The following CTPS2 variants were observed in gnomAD, a reference collection of about 807,000 sequenced individuals.
The protein encoded by CTPS2 is CTP synthase 2.
Under a neutral mutation model 46.8 loss-of-function variants are expected in CTPS2, and 19 were observed. That is an observed-to-expected ratio of 0.41 (90% CI 0.28 to 0.60). The LOEUF (loss-of-function observed/expected upper bound fraction) is 0.60. Among genes scored for constraint, CTPS2 ranks in the 20% least tolerant of loss-of-function variants. The pLI is 0.35. For missense variants in CTPS2, 286 were observed against 447.6 expected (o/e 0.64, Z 3.26); for synonymous variants, 151 against 165.2 (o/e 0.91, Z 0.66).
intron 17 of CTPS2, among the ~76,000 whole-genome samples, chrX:16,608,676 C>T (rs1360709720): frequency 1.8e-5 from 2 of 111,194 alleles, no homozygotes. Context: ...GGAGTAGGAT[C>T]GATAAGGTCC....
At chrX:16,662,922 G>C (rs1429768377) in intron 13 of CTPS2, among the ~76,000 whole-genome samples, 3 of 110,866 alleles carry the variant, frequency 2.7e-5, no homozygotes, top group Non-Finnish European at 5.7e-5. Flanking sequence ...AGATGTGTTC[G>C]CGCGTGGGTG....
At chrX:16,680,510 G>A (rs1291240710) in intron 9 of CTPS2, among the ~76,000 whole-genome samples, 1 of 98,630 alleles carries the variant, frequency 1.0e-5, no homozygotes, top group Non-Finnish European at 2.0e-5. Context: ...AGCCAAGATC[G>A]CACCACTGCA....
At chrX:16,698,079 G>A (rs1924262483) in intron 4 of CTPS2, among the ~76,000 whole-genome samples, 157 bp downstream of exon 4, 1 of 111,864 alleles carries the variant, frequency 8.9e-6, no homozygotes, top group African/African-American at 3.2e-5. Flanking sequence ...TGACCACAAA[G>A]ACAGAAGCCA....
chrX:16,623,063 C>T (rs975072687), intron 14 of CTPS2, among the ~76,000 whole-genome samples: 4 of 111,791 alleles, frequency 3.6e-5, no homozygotes, highest in South Asian at 7.6e-4. Context: ...ATAAGCTATA[C>T]GAGGTAACAG....
intron 4 of CTPS2, among the ~76,000 whole-genome samples, chrX:16,698,028 G>C (rs1484831023): frequency 9.0e-6 from 1 of 110,999 alleles, no homozygotes; most frequent in Non-Finnish European, 1.9e-5. Flanking sequence ...CCAGGAGTAG[G>C]TGTGATTGTC....
intron 1 of CTPS2, among the ~76,000 whole-genome samples, chrX:16,711,023 T>A (rs1418160718): frequency 8.9e-6 from 1 of 112,139 alleles, no homozygotes; most frequent in Non-Finnish European, 1.9e-5. Flanking sequence ...GTTTCTGGTG[T>A]CAAGACAAGT....
chrX:16,696,663 C>T (rs1480295685), intron 4 of CTPS2, among the ~76,000 whole-genome samples: 2 of 111,285 alleles, frequency 1.8e-5, no homozygotes, highest in Non-Finnish European at 3.8e-5. Context: ...TTTGATCGCA[C>T]CTGTGGATAG....
chrX:16,668,061 G>A (rs1222980820), intron 11 of CTPS2, among the ~76,000 whole-genome samples: 3 of 109,779 alleles, frequency 2.7e-5, no homozygotes, highest in Non-Finnish European at 1.9e-5. Flanking sequence ...TCAGGAGTTC[G>A]AGACCAGCCT....
At chrX:16,632,179 G>A (rs914542170) in intron 14 of CTPS2, among the ~76,000 whole-genome samples, 1 of 111,812 alleles carries the variant, frequency 8.9e-6, no homozygotes. Flanking sequence ...ACTCATGCCT[G>A]TAATCCCAGC....
At chrX:16,669,005 C>G (rs1921482864) in intron 11 of CTPS2, among the ~76,000 whole-genome samples, 1 of 111,320 alleles carries the variant, frequency 9.0e-6, no homozygotes, top group Admixed American at 9.6e-5. Context: ...GCCATAAACA[C>G]AGGCTTGGCC....
intron 13 of CTPS2, among the ~76,000 whole-genome samples, chrX:16,647,255 CTTTTTTTTTTT>C (rs746634342): frequency 2.5e-5 from 1 of 39,766 alleles, no homozygotes; most frequent in Admixed American, 3.4e-4. Flanking sequence ...TGGGCCCATT[CTTTTTTTTTTT>C]TTTTTTTTTT....
At chrX:16,636,488 A>G (rs144672765) in intron 14 of CTPS2, among the ~76,000 whole-genome samples, 1,506 of 112,668 alleles carry the variant, frequency 0.013, 17 homozygotes, top group Non-Finnish European at 0.02. Context: ...AAACCTATAG[A>G]CAGAAAGTAG....
rs905310648 is a variant in CTPS2, at chrX:16,678,556, G to A, written c.1006-106C>T. ...ACATTATTCAATAATTACTTATTAT[G>A]CAAACACTGTACTGGGCACTAGGGA... is the stretch of plus-strand genomic sequence containing the variant. On this transcript the variant is annotated intron_variant, in intron 9 of 18. Transcript: ENST00000359276. 1.2e-5 allele frequency: 6 copies of A among 502,448 alleles called. No homozygotes were observed. In the African/African-American group the frequency reaches 1.4e-4, roughly 12 times the overall value. 41.4% of individuals were successfully genotyped at this position (502,448 alleles called of 1,213,427 possible).
At chrX:16,689,386 G>A (rs1160837566) in intron 8 of CTPS2, 64 bp downstream of exon 8, 3 of 1,105,437 alleles carry the variant, frequency 2.7e-6, no homozygotes, top group African/African-American at 1.8e-5. Context: ...TTTCAAGTAG[G>A]TCTTAGTTCT....
intron 13 of CTPS2, among the ~76,000 whole-genome samples, chrX:16,651,547 A>G (rs1932632814): frequency 8.9e-6 from 1 of 112,130 alleles, no homozygotes; most frequent in Non-Finnish European, 1.9e-5. Flanking sequence ...TGTATGTAAA[A>G]TCCCTCAACA....
At chrX:16,646,603 C>A (rs1312055309) in intron 13 of CTPS2, among the ~76,000 whole-genome samples, 1 of 112,576 alleles carries the variant, frequency 8.9e-6, no homozygotes, top group Non-Finnish European at 1.9e-5. Flanking sequence ...GACAAGCAAG[C>A]TATACTTTCT....
intron 10 of CTPS2, among the ~76,000 whole-genome samples, chrX:16,677,136 G>A (rs1054273437): frequency 1.8e-5 from 2 of 109,413 alleles, no homozygotes; most frequent in Non-Finnish European, 3.8e-5. Flanking sequence ...GGCATGTATT[G>A]AAATCAGCTA....
At chrX:16,662,904 A>G (rs929477788) in intron 13 of CTPS2, among the ~76,000 whole-genome samples, 1 of 111,301 alleles carries the variant, frequency 9.0e-6, no homozygotes, top group Non-Finnish European at 1.9e-5. Flanking sequence ...CTAGGAATCT[A>G]TCCCTGCAGA....
intron 11 of CTPS2, among the ~76,000 whole-genome samples, chrX:16,670,071 A>AC (rs1555969346): frequency 5.8e-4 from 62 of 107,627 alleles, no homozygotes; most frequent in African/African-American, 1.4e-3. Context: ...AAAAAAAAAA[A>AC]ACACACACAC....
Sources: gnomAD v4.1 joint callset for allele counts (sites outside exome capture counted in the v4.1 genomes callset) on GRCh38, gnomAD v4.1.1 for gene constraint, MANE v1.5 for transcripts, NCBI Gene and HGNC (gene_info 2026-07-23, HGNC 2026-07-21) for gene names.